The following EHMT1 variants were observed in gnomAD, a reference collection of about 807,000 sequenced individuals.
The protein encoded by EHMT1 is euchromatic histone lysine methyltransferase 1.
EHMT1 carries 15 observed loss-of-function variants against 147.2 expected under a neutral mutation model. The observed-to-expected ratio is 0.10, with a 90% CI of 0.07 to 0.16. The LOEUF (loss-of-function observed/expected upper bound fraction) is 0.16, where lower values mean the gene tolerates loss of function less well. EHMT1 is among the 10% of genes least tolerant of loss of function. The probability of loss-of-function intolerance (pLI) is 1.00; values close to 1 mark genes in which losing one functional copy is unlikely to be tolerated. For synonymous variants in EHMT1, 795 were observed against 709.6 expected, an observed-to-expected ratio of 1.12 and a Z score of -1.91; for missense variants, 1,587 against 1,772.4, an observed-to-expected ratio of 0.90 and a Z score of 1.88.
At chr9:137,718,738 CTCTCTTTT>C (rs1399769111) in intron 3 of EHMT1, among the ~76,000 whole-genome samples, 1 of 150,718 alleles carries the variant, frequency 6.6e-6, no homozygotes, top group African/African-American at 2.5e-5. Context: ...GATTAGTTCT[CTCTCTTTT>C]TCTTTTTCTT....
intron 3 of EHMT1, among the ~76,000 whole-genome samples, chr9:137,718,003 G>C (rs1417927604): frequency 6.6e-6 from 1 of 152,166 alleles, no homozygotes; most frequent in Non-Finnish European, 1.5e-5. Context: ...TTCACACACA[G>C]GGCGCGCCCA....
At chr9:137,821,155 C>A (rs12349000) in intron 25 of EHMT1, among the ~76,000 whole-genome samples, 2 of 151,796 alleles carry the variant, frequency 1.3e-5, no homozygotes, top group African/African-American at 2.4e-5. Flanking sequence ...GGATTACAGG[C>A]GTGAGCCACT....
rs117891503 is a variant in EHMT1 at position 137,700,643 on chromosome 9, C to A, written c.22-10324C>A. 9.0e-4 allele frequency among the ~76,000 whole-genome samples: 137 copies of A among 152,214 alleles called. 2 individuals are homozygous for A. In the East Asian group the frequency reaches 0.025, roughly 27 times the overall value. On this transcript the variant is annotated intron_variant, in intron 1 of 26. Coordinates refer to ENST00000460843, the MANE Select transcript of EHMT1 (RefSeq NM_024757.5). Reference sequence around the variant, plus strand: ...GATCATGGATTGGGTAGATTTTGCACCCCTGCCATGCCACCCCACCCTCCC... The same window carrying A: ...GATCATGGATTGGGTAGATTTTGCAACCCTGCCATGCCACCCCACCCTCCC...
At chr9:137,663,046 G>A (rs1939254131) in intron 1 of EHMT1, among the ~76,000 whole-genome samples, 1 of 150,926 alleles carries the variant, frequency 6.6e-6, no homozygotes, top group Admixed American at 6.6e-5. Flanking sequence ...ACCTGCCTCG[G>A]CCTCCCAAAG....
intron 1 of EHMT1, among the ~76,000 whole-genome samples, chr9:137,684,278 C>G (rs911763609): frequency 6.6e-6 from 1 of 152,046 alleles, no homozygotes; most frequent in African/African-American, 2.4e-5. Flanking sequence ...AGCAATCTGC[C>G]CGCCTTGGCC....
At chr9:137,771,131 C>T (rs1257215535) in intron 10 of EHMT1, among the ~76,000 whole-genome samples, 1 of 151,008 alleles carries the variant, frequency 6.6e-6, no homozygotes. Context: ...CTGAAGTGTT[C>T]TCTCTCATGT....
chr9:137,669,878 T>G (rs1172603065), intron 1 of EHMT1, among the ~76,000 whole-genome samples: 1 of 151,824 alleles, frequency 6.6e-6, no homozygotes, highest in Non-Finnish European at 1.5e-5. Context: ...GGAGACGGAG[T>G]CTTGCTCTGT....
At chr9:137,665,433 C>T (rs1043902389) in intron 1 of EHMT1, among the ~76,000 whole-genome samples, 1 of 152,206 alleles carries the variant, frequency 6.6e-6, no homozygotes, top group Admixed American at 6.5e-5. Context: ...AAGCATTGCC[C>T]TGAGACCCAG....
At chr9:137,784,028 C>T (rs1951766369) in intron 15 of EHMT1, 1 of 692,448 alleles carries the variant, frequency 1.4e-6, no homozygotes, top group Non-Finnish European at 2.5e-6. Context: ...TTCTAGCTGT[C>T]TTAGTCCATT....
rs1163317465 is a variant in EHMT1 at position 137,836,066 on chromosome 9, G to A, written c.*1113G>A. 6.6e-6 allele frequency: 1 copy of A among 152,212 alleles called. No homozygotes were observed. Among genetic ancestry groups the A allele is most frequent in the African/African-American group, 2.4e-5 (1 of 41,310 alleles). The allele number at this position is 152,212 out of a possible 1,614,324, so 9.4% of individuals were successfully genotyped here. A position where few individuals can be genotyped will look rare whatever the true frequency, so the allele number is the denominator to read the frequency against. ...TTGACAGTTTTAAGAGCAGTCTTTT[G>A]GCTCTGACCATTTCTTGTTCTGTTT... On this transcript the variant is annotated 3_prime_UTR_variant, in exon 27 of 27. Coordinates refer to ENST00000460843, the MANE Select transcript of EHMT1 (RefSeq NM_024757.5).
intron 10 of EHMT1, among the ~76,000 whole-genome samples, chr9:137,769,974 C>T (rs949741878): frequency 2.0e-5 from 3 of 152,236 alleles, no homozygotes; most frequent in African/African-American, 4.8e-5. Context: ...ATAGCTGGGA[C>T]TATACACTTG....
chr9:137,815,677 A>C, intron 22 of EHMT1: 1 of 481,388 alleles, frequency 2.1e-6, no homozygotes, highest in Non-Finnish European at 3.8e-6. Context: ...GGGGCTGGGA[A>C]GGCCCTGGGT....
intron 18 of EHMT1, among the ~76,000 whole-genome samples, chr9:137,808,884 A>G (rs1954176108): frequency 6.6e-6 from 1 of 152,186 alleles, no homozygotes. Flanking sequence ...GATCGTGCCA[A>G]CTGCATTCCA....
At chr9:137,654,787 C>T (rs766836416) in intron 1 of EHMT1, among the ~76,000 whole-genome samples, 2 of 152,106 alleles carry the variant, frequency 1.3e-5, no homozygotes, top group Non-Finnish European at 2.9e-5. Context: ...AGGAGAAGCA[C>T]GTTAGAGCTG....
intron 1 of EHMT1, among the ~76,000 whole-genome samples, chr9:137,700,472 T>G (rs1435232820): frequency 6.6e-6 from 1 of 152,224 alleles, no homozygotes. Flanking sequence ...TATATTAAAG[T>G]GGGCATTCGG....
At chr9:137,802,978 AAAGGCAGAGAAC>A (rs1428579854) in intron 18 of EHMT1, 2 of 1,232,262 alleles carry the variant, frequency 1.6e-6, no homozygotes, top group Non-Finnish European at 2.0e-6. Context: ...GGAGGGAAGC[AAAGGCAGAGAAC>A]AAGGCAGAGG....
At chr9:137,720,493 G>C (rs529937767) in intron 3 of EHMT1, among the ~76,000 whole-genome samples, 1 of 152,086 alleles carries the variant, frequency 6.6e-6, no homozygotes, top group Non-Finnish European at 1.5e-5. Flanking sequence ...TGTAGACAAG[G>C]GATATTGTCT....
At chr9:137,769,173 C>T (rs1002141377) in intron 10 of EHMT1, among the ~76,000 whole-genome samples, 3 of 152,188 alleles carry the variant, frequency 2.0e-5, no homozygotes, top group Admixed American at 1.3e-4. Flanking sequence ...AAGAATCTTA[C>T]AGTAGGTCCT....
chr9:137,720,780 C>G (rs982295666), intron 3 of EHMT1, among the ~76,000 whole-genome samples: 1 of 152,124 alleles, frequency 6.6e-6, no homozygotes, highest in East Asian at 1.9e-4. Context: ...CACTCACCCG[C>G]TGAAGGACAC....
Sources: gnomAD v4.1 joint callset for allele counts (sites outside exome capture counted in the v4.1 genomes callset) on GRCh38, gnomAD v4.1.1 for gene constraint, MANE v1.5 for transcripts, NCBI Gene and HGNC (gene_info 2026-07-23, HGNC 2026-07-21) for gene names.